Variants in MBOAT1 observed in about 807,000 individuals in gnomAD.
The protein encoded by MBOAT1 is membrane-bound glycerophospholipid O-acyltransferase 1.
Under a neutral mutation model 64.4 loss-of-function variants are expected in MBOAT1, and 67 were observed. The ratio of observed to expected loss-of-function variants is 1.04; its 90% CI spans 0.85 to 1.27. The LOEUF (loss-of-function observed/expected upper bound fraction) is 1.27. MBOAT1 is among the 50% of genes most tolerant of loss of function. MBOAT1 has a pLI of 0.00. For synonymous variants in MBOAT1, 229 were observed against 218.9 expected, an observed-to-expected ratio of 1.05 and a Z score of -0.41; for missense variants, 563 against 604.6, an observed-to-expected ratio of 0.93 and a Z score of 0.72.
rs1561772941 is a variant in MBOAT1 at position 20,168,483 on chromosome 6, GAC to G, written c.100-15716_100-15715del. ...CAAGAAAGACAGAGACAGAGACAGAGACAGAGACAGAGAGAGAGAGAGAGGAG... is the reference window on the plus strand; with the variant it reads ...CAAGAAAGACAGAGACAGAGACAGAGAGAGACAGAGAGAGAGAGAGAGGAG... On this transcript the variant is annotated intron_variant, in intron 1 of 12. Coordinates refer to ENST00000324607, the MANE Select transcript of MBOAT1 (RefSeq NM_001080480.3). Among the ~76,000 whole-genome samples the G allele has an allele frequency of 9.3e-5, 12 of 128,850 alleles. No homozygotes were observed. In the South Asian group the frequency reaches 1.1e-3, roughly 12 times the overall value. The allele number at this position is 128,850 out of a possible 152,430, so 84.5% of individuals were successfully genotyped here. A position where few individuals can be genotyped will look rare whatever the true frequency, so the allele number is the denominator to read the frequency against.
intron 4 of MBOAT1, among the ~76,000 whole-genome samples, chr6:20,141,993 GCA>G (rs1351296542): frequency 1.3e-5 from 2 of 152,166 alleles, no homozygotes; most frequent in African/African-American, 2.4e-5. Context: ...TGCCTAGAAT[GCA>G]CAGTGTCTCT....
At chr6:20,157,976 C>T (rs1046678665) in intron 1 of MBOAT1, among the ~76,000 whole-genome samples, 25 of 151,642 alleles carry the variant, frequency 1.6e-4, no homozygotes, top group South Asian at 1.0e-3. Flanking sequence ...GCCAACATGA[C>T]GAAACCCTGT....
At chr6:20,161,261 G>A (rs190467807) in intron 1 of MBOAT1, among the ~76,000 whole-genome samples, 7 of 151,830 alleles carry the variant, frequency 4.6e-5, no homozygotes, top group Non-Finnish European at 8.8e-5. Context: ...ACTGTCTCCC[G>A]TCACTCCCAG....
chr6:20,145,815 C>T (rs1761309942), intron 3 of MBOAT1, among the ~76,000 whole-genome samples: 1 of 152,190 alleles, frequency 6.6e-6, no homozygotes, highest in South Asian at 2.1e-4. Flanking sequence ...TGGAACCTGC[C>T]TAATTTTCAG....
At chr6:20,115,972 C>A (rs1308437099) in intron 9 of MBOAT1, among the ~76,000 whole-genome samples, 2 of 148,500 alleles carry the variant, frequency 1.3e-5, no homozygotes, top group African/African-American at 5.0e-5. Flanking sequence ...CCACAATAAC[C>A]CATTACCTGG....
At chr6:20,155,982 T>G (rs1418046511) in intron 1 of MBOAT1, among the ~76,000 whole-genome samples, 2 of 152,062 alleles carry the variant, frequency 1.3e-5, no homozygotes, top group African/African-American at 2.4e-5. Flanking sequence ...GCTTTAAAAT[T>G]TTAGGGTCCA....
chr6:20,202,326 A>G (rs1161965235), intron 1 of MBOAT1, among the ~76,000 whole-genome samples: 1 of 149,890 alleles, frequency 6.7e-6, no homozygotes, highest in Admixed American at 6.8e-5. Flanking sequence ...TCCAAATTAC[A>G]TTAGAACCTG....
chr6:20,116,716 T>C (rs907930267), intron 9 of MBOAT1, among the ~76,000 whole-genome samples: 1 of 152,262 alleles, frequency 6.6e-6, no homozygotes, highest in Non-Finnish European at 1.5e-5. Context: ...ATCAAATGTA[T>C]GATGAAAATG....
intron 4 of MBOAT1, among the ~76,000 whole-genome samples, chr6:20,143,957 C>T (rs113742169): frequency 0.011 from 1,671 of 152,272 alleles, 29 homozygotes; most frequent in African/African-American, 0.038. Flanking sequence ...TGCCTGGTTG[C>T]GTTCCAATAT....
chr6:20,180,161 C>T lies in MBOAT1; in HGVS notation c.100-27392G>A, dbSNP rs1762470741. ...GACCACTGCAATTTGCTTCCGCCAG[C>T]CTACTGCACCCATGACATGTCTGTC... On this transcript the variant is annotated intron_variant, in intron 1 of 12. Coordinates refer to ENST00000324607, the MANE Select transcript of MBOAT1 (RefSeq NM_001080480.3). Among the ~76,000 whole-genome samples the T allele has an allele frequency of 2.0e-5, 3 of 152,176 alleles. No homozygotes were observed. The South Asian group carries it at 6.2e-4, about 32-fold the overall frequency.
chr6:20,124,708 A>G, intron 7 of MBOAT1, 108 bp from the exon 8 acceptor site: 3 of 944,290 alleles, frequency 3.2e-6, no homozygotes, highest in East Asian at 5.0e-5. Flanking sequence ...GCTGCTTGGC[A>G]TTATTCCCCA....
intron 1 of MBOAT1, among the ~76,000 whole-genome samples, chr6:20,167,709 C>T (rs998143373): frequency 1.3e-5 from 2 of 152,150 alleles, no homozygotes; most frequent in African/African-American, 4.8e-5. Flanking sequence ...CACCCTAATC[C>T]CCTAGTTGTA....
At chr6:20,186,293 A>C (rs1359321917) in intron 1 of MBOAT1, among the ~76,000 whole-genome samples, 1 of 152,246 alleles carries the variant, frequency 6.6e-6, no homozygotes, top group Non-Finnish European at 1.5e-5. Flanking sequence ...CAAAGAAAGC[A>C]GCACAAGGAG....
intron 1 of MBOAT1, among the ~76,000 whole-genome samples, chr6:20,195,732 C>T (rs1762938334): frequency 6.6e-6 from 1 of 152,096 alleles, no homozygotes; most frequent in Non-Finnish European, 1.5e-5. Context: ...CATACTGATA[C>T]ACTGATGATT....
At chr6:20,196,691 T>C (rs546091509) in intron 1 of MBOAT1, among the ~76,000 whole-genome samples, 6 of 152,092 alleles carry the variant, frequency 3.9e-5, no homozygotes, top group Admixed American at 3.9e-4. Context: ...TGATACCCCA[T>C]CTCAACTAAA....
chr6:20,183,320 C>T (rs1762561418), intron 1 of MBOAT1, among the ~76,000 whole-genome samples: 2 of 152,090 alleles, frequency 1.3e-5, no homozygotes, highest in Admixed American at 1.3e-4. Flanking sequence ...TGAGGATATC[C>T]CCAGCCCTCT....
chr6:20,142,677 TG>T (rs1345461937), intron 4 of MBOAT1, among the ~76,000 whole-genome samples: 1 of 152,298 alleles, frequency 6.6e-6, no homozygotes, highest in African/African-American at 2.4e-5. Context: ...CTCAAACTCC[TG>T]ACCTCAAGTG....
intron 1 of MBOAT1, among the ~76,000 whole-genome samples, chr6:20,168,635 AGAGAAGAGAG>A (rs1484300018): frequency 1.9e-5 from 1 of 52,324 alleles, no homozygotes; most frequent in Admixed American, 1.9e-4. Flanking sequence ...AGAGAAGAGA[AGAGAAGAGAG>A]GAGAGGAGAG....
At chr6:20,128,983 T>C (rs1760739447) in intron 5 of MBOAT1, among the ~76,000 whole-genome samples, 1 of 152,144 alleles carries the variant, frequency 6.6e-6, no homozygotes, top group African/African-American at 2.4e-5. Context: ...GGGGAAGGAC[T>C]CAAAGGTTTC....
Sources: allele counts gnomAD v4.1 joint callset (sites outside exome capture counted in the v4.1 genomes callset), GRCh38; gene constraint gnomAD v4.1.1; transcripts MANE v1.5; gene names NCBI Gene and HGNC (gene_info 2026-07-23, HGNC 2026-07-21).